Variants in ACVR1 observed in about 807,000 individuals in gnomAD.
ACVR1 encodes the protein activin A receptor type 1, also known as activin receptor type-1.
In ACVR1, 38 loss-of-function variants were observed where a neutral mutation model predicts 57.1. The observed-to-expected ratio is 0.67, with a 90% CI of 0.51 to 0.87. ACVR1 has a LOEUF of 0.87. Among genes scored for constraint, ACVR1 ranks in the 40% least tolerant of loss-of-function variants. The pLI is 0.00. For synonymous variants in ACVR1, 212 were observed against 228.1 expected (o/e 0.93, Z 0.63); for missense variants, 463 against 638.2 (o/e 0.73, Z 2.96).
intron 9 of ACVR1, among the ~76,000 whole-genome samples, chr2:157,738,962 T>C (rs1684644025): frequency 6.6e-6 from 1 of 152,122 alleles, no homozygotes; most frequent in East Asian, 1.9e-4. Flanking sequence ...CTGAATCTAG[T>C]GGTTTCAAAC....
In ACVR1 at chr2:157,821,067, C is replaced by G. The variant is rs193027841; in HGVS notation, c.-182-2508G>C. ...GAAATAACGTGAACTGGATACTTAA[C>G]TCTTCAAATGTTCTACTTGGCACCC... On this transcript the variant is annotated intron_variant, in intron 1 of 10. Coordinates refer to ENST00000434821, the MANE Select transcript of ACVR1 (RefSeq NM_001111067.4). Among the ~76,000 whole-genome samples the G allele has an allele frequency of 2.6e-3, 398 of 152,280 alleles. 2 individuals carry two copies. The highest frequency in any genetic ancestry group is 9.1e-3 in the African/African-American group (379 of 41,536).
At chr2:157,777,507 C>G (rs1308933611) in intron 5 of ACVR1, among the ~76,000 whole-genome samples, 1 of 152,148 alleles carries the variant, frequency 6.6e-6, no homozygotes. Context: ...AAAATTAAAT[C>G]TACTTTTACG....
At chr2:157,803,942 T>C (rs1687422952) in intron 2 of ACVR1, among the ~76,000 whole-genome samples, 1 of 152,164 alleles carries the variant, frequency 6.6e-6, no homozygotes, top group African/African-American at 2.4e-5. Flanking sequence ...CTATGATGTA[T>C]TTTTAAAAAA....
At chr2:157,774,489 C>T (rs1300568909) in intron 5 of ACVR1, among the ~76,000 whole-genome samples, 11 of 152,184 alleles carry the variant, frequency 7.2e-5, no homozygotes, top group Admixed American at 7.2e-4. Flanking sequence ...CTCAGCCTCC[C>T]AAGTAGCTGG....
chr2:157,750,031 C>A (rs1472300769), intron 9 of ACVR1, among the ~76,000 whole-genome samples: 3 of 152,166 alleles, frequency 2.0e-5, no homozygotes, highest in African/African-American at 7.2e-5. Context: ...ATGAGCCCGC[C>A]CAGCCTGCTA....
At chr2:157,872,983 C>T (rs1322342072) in intron 1 of ACVR1, among the ~76,000 whole-genome samples, 3 of 152,262 alleles carry the variant, frequency 2.0e-5, no homozygotes, top group East Asian at 1.9e-4. Context: ...CAAGTACAAA[C>T]GCATATTTAT....
chr2:157,807,916 T>TTC (rs149277565), intron 2 of ACVR1, among the ~76,000 whole-genome samples: 19 of 143,448 alleles, frequency 1.3e-4, no homozygotes, highest in Admixed American at 3.5e-4. Context: ...ATTTCTCTCT[T>TTC]TCTCTCTCTC....
intron 9 of ACVR1, among the ~76,000 whole-genome samples, chr2:157,754,233 G>T (rs556624575): frequency 6.6e-6 from 1 of 152,114 alleles, no homozygotes; most frequent in South Asian, 2.1e-4. Flanking sequence ...AAACTCATAC[G>T]CAGCAGAAGA....
intron 9 of ACVR1, among the ~76,000 whole-genome samples, chr2:157,742,255 A>G (rs1228121559): frequency 1.3e-5 from 2 of 152,208 alleles, no homozygotes; most frequent in Admixed American, 1.3e-4. Flanking sequence ...TTACTGCCAA[A>G]TCGTGAGCCA....
intron 3 of ACVR1, among the ~76,000 whole-genome samples, chr2:157,787,556 T>G (rs948523344): frequency 6.6e-6 from 1 of 152,154 alleles, no homozygotes; most frequent in Admixed American, 6.5e-5. Context: ...CCCAGTGAAT[T>G]GTAAACACTT....
At chr2:157,752,196 A>G (rs1685228688) in intron 9 of ACVR1, among the ~76,000 whole-genome samples, 1 of 152,162 alleles carries the variant, frequency 6.6e-6, no homozygotes, top group Non-Finnish European at 1.5e-5. Flanking sequence ...CTAGATCCAG[A>G]AGAGAAATAA....
intron 3 of ACVR1, chr2:157,790,160 TA>T (rs1160840685): frequency 1.3e-5 from 2 of 152,288 alleles, no homozygotes; most frequent in Non-Finnish European, 2.9e-5. Context: ...CACATTGTCC[TA>T]AATGGCAGTC....
At chr2:157,810,888 C>A (rs1687728909) in intron 2 of ACVR1, among the ~76,000 whole-genome samples, 1 of 152,160 alleles carries the variant, frequency 6.6e-6, no homozygotes, top group Non-Finnish European at 1.5e-5. Context: ...GTGAAATACC[C>A]CTTGTTAAGG....
At chr2:157,846,112 G>A (rs1005706500) in intron 1 of ACVR1, among the ~76,000 whole-genome samples, 4 of 152,252 alleles carry the variant, frequency 2.6e-5, no homozygotes, top group African/African-American at 2.4e-5. Context: ...TGGATTATCC[G>A]GGTAGGCCCT....
chr2:157,835,293 TTA>T (rs1688742066), intron 1 of ACVR1, among the ~76,000 whole-genome samples: 1 of 152,160 alleles, frequency 6.6e-6, no homozygotes, highest in Non-Finnish European at 1.5e-5. Flanking sequence ...AGGAGCTAAC[TTA>T]ATGTGCCTCA....
At position 157,737,153 on chromosome 2, in the gene ACVR1, C is replaced by G; in HGVS notation, c.*378G>C. ...CAGGCAATATTGCTGATTAAAAATT[C>G]ACCACCTCCTTGAGTTTCCCGTGGG... is the stretch of plus-strand genomic sequence containing the variant. On this transcript the variant is annotated 3_prime_UTR_variant, in exon 11 of 11. Transcript: ENST00000434821. 1 of 341,034 alleles carries G rather than the reference C, an allele frequency of 2.9e-6. No homozygotes were observed. Among genetic ancestry groups the G allele is most frequent in the South Asian group, 4.0e-5 (1 of 24,750 alleles). 21.1% of individuals were successfully genotyped at this position (341,034 alleles called of 1,614,324 possible). A position where few individuals can be genotyped will look rare whatever the true frequency, so the allele number is the denominator to read the frequency against.
intron 8 of ACVR1, among the ~76,000 whole-genome samples, chr2:157,764,542 A>G (rs1279582157): frequency 6.6e-6 from 1 of 152,012 alleles, no homozygotes; most frequent in Non-Finnish European, 1.5e-5. Context: ...CTAACAACGC[A>G]GAAGTACAGG....
chr2:157,794,068 T>A (rs1387866504), intron 3 of ACVR1, among the ~76,000 whole-genome samples: 2 of 152,244 alleles, frequency 1.3e-5, no homozygotes, highest in Non-Finnish European at 2.9e-5. Context: ...AAAATGTGGG[T>A]CGTCTCAGCT....
chr2:157,823,156 A>G (rs1012545136), intron 1 of ACVR1, among the ~76,000 whole-genome samples: 5 of 152,180 alleles, frequency 3.3e-5, no homozygotes, highest in Admixed American at 6.5e-5. Context: ...ACTGGCTCCA[A>G]AAAAGGTGGA....
Sources: gnomAD v4.1 joint callset for allele counts (sites outside exome capture counted in the v4.1 genomes callset) on GRCh38, gnomAD v4.1.1 for gene constraint, MANE v1.5 for transcripts, NCBI Gene and HGNC (gene_info 2026-07-23, HGNC 2026-07-21) for gene names.